The following CADPS2 variants were observed in gnomAD, a reference collection of about 807,000 sequenced individuals.
The protein encoded by CADPS2 is calcium-dependent secretion activator 2.
In CADPS2, 93 loss-of-function variants were observed where a neutral mutation model predicts 172.5. The observed-to-expected ratio is 0.54, with a 90% CI of 0.46 to 0.64. The LOEUF (loss-of-function observed/expected upper bound fraction) is 0.64. Among genes scored for constraint, CADPS2 ranks in the 30% least tolerant of loss-of-function variants. CADPS2 has a pLI of 0.00. For missense variants in CADPS2, 1,420 were observed against 1,565.9 expected (o/e 0.91, Z 1.57); for synonymous variants, 546 against 555.2 (o/e 0.98, Z 0.23).
intron 3 of CADPS2, among the ~76,000 whole-genome samples, chr7:122,638,891 G>C (rs1052514176): frequency 2.0e-5 from 3 of 152,198 alleles, no homozygotes; most frequent in African/African-American, 7.2e-5. Context: ...GATCCACTTA[G>C]AGAGTCCATG....
intron 1 of CADPS2, among the ~76,000 whole-genome samples, chr7:122,772,803 C>T (rs1362217904): frequency 1.3e-5 from 2 of 152,086 alleles, no homozygotes; most frequent in African/African-American, 4.8e-5. Context: ...GTAACTACAA[C>T]AGACTATGCC....
chr7:122,633,180 C>T (rs2076741428), intron 3 of CADPS2, among the ~76,000 whole-genome samples: 1 of 151,886 alleles, frequency 6.6e-6, no homozygotes, highest in African/African-American at 2.4e-5. Flanking sequence ...CCTATTTGGG[C>T]TTTTAGGTTC....
chr7:122,765,753 TCAAAG>T (rs2093529172), intron 1 of CADPS2, among the ~76,000 whole-genome samples: 1 of 152,106 alleles, frequency 6.6e-6, no homozygotes, highest in Non-Finnish European at 1.5e-5. Flanking sequence ...CATTTAATCA[TCAAAG>T]CAAACTATCT....
intron 8 of CADPS2, among the ~76,000 whole-genome samples, chr7:122,537,199 G>C (rs2062390182): frequency 6.6e-6 from 1 of 151,250 alleles, no homozygotes; most frequent in Non-Finnish European, 1.5e-5. Flanking sequence ...CAAGAAGCAT[G>C]TATACAACTA....
At chr7:122,798,869 G>T (rs1194322993) in intron 1 of CADPS2, among the ~76,000 whole-genome samples, 2 of 151,834 alleles carry the variant, frequency 1.3e-5, no homozygotes, top group Admixed American at 1.3e-4. Flanking sequence ...CAGGGAGTCA[G>T]GAGGGGAAGA....
chr7:122,336,215 T>G (rs2035831018), intron 28 of CADPS2, among the ~76,000 whole-genome samples: 1 of 152,210 alleles, frequency 6.6e-6, no homozygotes, highest in Non-Finnish European at 1.5e-5. Flanking sequence ...TAGCCAACAC[T>G]GGTGACCTGG....
At chr7:122,671,269 T>C (rs1353565993) in intron 2 of CADPS2, among the ~76,000 whole-genome samples, 3 of 152,202 alleles carry the variant, frequency 2.0e-5, no homozygotes, top group Non-Finnish European at 4.4e-5. Flanking sequence ...GCTACGTACA[T>C]AGACAGCAAG....
At chr7:122,659,469 G>A (rs1195687223) in intron 3 of CADPS2, among the ~76,000 whole-genome samples, 4 of 152,088 alleles carry the variant, frequency 2.6e-5, no homozygotes, top group African/African-American at 7.2e-5. Flanking sequence ...TGAACAAACA[G>A]AACGGACATC....
intron 2 of CADPS2, among the ~76,000 whole-genome samples, chr7:122,677,448 G>C (rs546174747): frequency 6.6e-6 from 1 of 152,314 alleles, no homozygotes; most frequent in South Asian, 2.1e-4. Flanking sequence ...GCCTGAGGAG[G>C]ACGGGTGGGC....
At chr7:122,757,121 C>T (rs1278967688) in intron 1 of CADPS2, among the ~76,000 whole-genome samples, 1 of 151,886 alleles carries the variant, frequency 6.6e-6, no homozygotes, top group Non-Finnish European at 1.5e-5. Flanking sequence ...TTGAACAATG[C>T]TGGTCTTCTT....
At chr7:122,365,124 C>A (rs1211897050) in intron 25 of CADPS2, among the ~76,000 whole-genome samples, 2 of 152,132 alleles carry the variant, frequency 1.3e-5, no homozygotes, top group African/African-American at 4.8e-5. Context: ...TCATCTTCTT[C>A]AGAGCACGAA....
chr7:122,516,183 A>G (rs1202900013), intron 8 of CADPS2, among the ~76,000 whole-genome samples: 1 of 152,172 alleles, frequency 6.6e-6, no homozygotes, highest in East Asian at 1.9e-4. Context: ...AAGTATCCCT[A>G]TCTAGCTGCT....
At chr7:122,447,008 A>AT (rs1194644341) in intron 15 of CADPS2, among the ~76,000 whole-genome samples, 2 of 141,200 alleles carry the variant, frequency 1.4e-5, no homozygotes, top group Non-Finnish European at 3.1e-5. Flanking sequence ...CTGCTGCTCC[A>AT]TCTTGGACAT....
chr7:122,453,235 C>T (rs2053358409), intron 14 of CADPS2, among the ~76,000 whole-genome samples: 1 of 152,074 alleles, frequency 6.6e-6, no homozygotes, highest in Admixed American at 6.6e-5. Flanking sequence ...AAATATTAGT[C>T]TCTCAAGTAT....
chr7:122,706,151 TATATATATGC>T, intron 2 of CADPS2, among the ~76,000 whole-genome samples: 1 of 69,380 alleles, frequency 1.4e-5, no homozygotes, highest in Non-Finnish European at 2.6e-5. Flanking sequence ...ATTCAAGGAA[TATATATATGC>T]TTATATATTC....
At chr7:122,430,216 T>C (rs1318068070) in intron 17 of CADPS2, among the ~76,000 whole-genome samples, 3 of 152,206 alleles carry the variant, frequency 2.0e-5, no homozygotes, top group African/African-American at 7.2e-5. Flanking sequence ...TGCTACCTTT[T>C]GTTCAGGGCA....
At chr7:122,661,210 C>G (rs927569993) in intron 3 of CADPS2, among the ~76,000 whole-genome samples, 2 of 152,092 alleles carry the variant, frequency 1.3e-5, no homozygotes, top group African/African-American at 4.8e-5. Context: ...GAGACAAATA[C>G]TGATAGAACT....
intron 2 of CADPS2, among the ~76,000 whole-genome samples, chr7:122,729,228 A>G (rs1444177692): frequency 6.6e-6 from 1 of 151,772 alleles, no homozygotes; most frequent in African/African-American, 2.4e-5. Context: ...ACAGTATTCC[A>G]TTGTGTATAT....
intron 14 of CADPS2, among the ~76,000 whole-genome samples, chr7:122,466,840 A>G (rs1182950074): frequency 2.0e-5 from 3 of 152,200 alleles, no homozygotes; most frequent in Non-Finnish European, 4.4e-5. Flanking sequence ...TCATCAGTAG[A>G]GGAGCCAGAA....
Sources: gnomAD v4.1 joint callset for allele counts (sites outside exome capture counted in the v4.1 genomes callset) on GRCh38, gnomAD v4.1.1 for gene constraint, MANE v1.5 for transcripts, NCBI Gene and HGNC (gene_info 2026-07-23, HGNC 2026-07-21) for gene names.